The following DIXDC1 variants were observed in gnomAD, a reference collection of about 807,000 sequenced individuals.
DIXDC1 encodes DIX domain containing 1.
In DIXDC1, 64 loss-of-function variants were observed where a neutral mutation model predicts 103.1. The ratio of observed to expected loss-of-function variants is 0.62; its 90% CI spans 0.51 to 0.76. The LOEUF (loss-of-function observed/expected upper bound fraction) is 0.76, where lower values mean the gene tolerates loss of function less well. DIXDC1 is among the 30% of genes least tolerant of loss of function. DIXDC1 has a pLI of 0.00. For synonymous variants in DIXDC1, 266 were observed against 298.5 expected (o/e 0.89, Z 1.12); for missense variants, 759 against 834.2 (o/e 0.91, Z 1.11).
chr11:112,009,517 T>C (rs1861346459), intron 17 of DIXDC1, among the ~76,000 whole-genome samples: 1 of 152,128 alleles, frequency 6.6e-6, no homozygotes, highest in African/African-American at 2.4e-5. Context: ...AAAAGAGAAT[T>C]TTAGACCAAT....
intron 6 of DIXDC1, 104 bp from the exon 7 acceptor site, chr11:111,982,235 C>G (rs782383049): frequency 2.3e-6 from 3 of 1,303,808 alleles, no homozygotes; most frequent in Middle Eastern, 3.8e-4. Flanking sequence ...AGAACAGGTT[C>G]AGAACGCAGG....
At chr11:111,991,498 T>C (rs1860712108) in intron 10 of DIXDC1, among the ~76,000 whole-genome samples, 1 of 152,218 alleles carries the variant, frequency 6.6e-6, no homozygotes, top group South Asian at 2.1e-4. Context: ...CCCACATTCT[T>C]CAGAGTCTGT....
intron 1 of DIXDC1, among the ~76,000 whole-genome samples, chr11:111,944,411 A>G (rs1555169184): frequency 1.3e-5 from 2 of 152,202 alleles, no homozygotes; most frequent in African/African-American, 2.4e-5. Context: ...ACTCTAGCAA[A>G]TAAGTCCCCT....
rs950404915 is a variant in DIXDC1 at position 111,976,835 on chromosome 11, G to A, written c.656+1852G>A. 1 of 152,434 alleles carries A rather than the reference G, an allele frequency of 6.6e-6. No individual in the cohort carries two copies. Among genetic ancestry groups the A allele is most frequent in the African/African-American group, 2.4e-5 (1 of 41,442 alleles). The allele number at this position is 152,434 out of a possible 1,614,324, so 9.4% of individuals were successfully genotyped here. On this transcript the variant is annotated intron_variant, in intron 5 of 19. Transcript: ENST00000440460. This position sits in a 1 kb window ranked among gnomAD's most constrained non-coding sequence, Gnocchi z 4.3. ...TAGCCAAGCAAAATGATCCTTAGTT[G>A]GTTAAAAAGAACACACGAAACGCCA...
chr11:112,016,870 A>G (rs1484738996), intron 18 of DIXDC1, 74 bp downstream of exon 18: 14 of 1,272,420 alleles, frequency 1.1e-5, no homozygotes, highest in South Asian at 2.6e-5. Context: ...TACTGCCCAC[A>G]TGAGCAGCTG....
Position 112,019,095 on chromosome 11 carries a change from G to A in DIXDC1, c.*59G>A. 6.8e-7 allele frequency: 1 copy of A among 1,474,116 alleles called. No individual in the cohort carries two copies. 91.3% of individuals were successfully genotyped at this position (1,474,116 alleles called of 1,614,324 possible). ...GGTCACTCCCTGGCTGCTTCACTCA[G>A]GAAAGGGAACTAAAACCAGAATACA... On this transcript the variant is annotated 3_prime_UTR_variant, in exon 20 of 20. Coordinates refer to ENST00000440460, the MANE Select transcript of DIXDC1 (RefSeq NM_001037954.4).
At chr11:112,012,003 C>A (rs1160748470) in intron 17 of DIXDC1, among the ~76,000 whole-genome samples, 2 of 152,108 alleles carry the variant, frequency 1.3e-5, no homozygotes, top group Non-Finnish European at 2.9e-5. Flanking sequence ...TAGGTATAAA[C>A]TTCATAAAAT....
chr11:111,982,491 G>A lies in DIXDC1; in HGVS notation c.918+4G>A. The A allele has an allele frequency of 2.5e-6, 4 of 1,612,514 alleles. No individual in the cohort carries two copies. The highest frequency in any genetic ancestry group is 3.4e-6 in the Non-Finnish European group (4 of 1,179,298). On this transcript the variant is annotated splice_donor_region_variant and intron_variant, in intron 7 of 19. Transcript: ENST00000440460. The stretch of plus-strand genomic sequence containing the variant: ...GAAAATGATATCAGGACTACAGGTA[G>A]CTCTCTCCCTTGTAGTTTGCCCTTG...
In DIXDC1 at chr11:111,977,723, C is replaced by G. The variant is rs922664210; in HGVS notation, c.656+2740C>G. 4 of 1,552,536 alleles carry G rather than the reference C, an allele frequency of 2.6e-6. No homozygotes were observed. Among genetic ancestry groups the G allele is most frequent in the Admixed American group, 2.0e-5 (1 of 51,248 alleles). ...GAGCGATGTGACTCTCAGCCTCCCA[C>G]TTCACCCGGGGACGCAGGCTTGCTG... is the stretch of plus-strand genomic sequence containing the variant. On this transcript the variant is annotated intron_variant, in intron 5 of 19. Coordinates refer to ENST00000440460, the MANE Select transcript of DIXDC1 (RefSeq NM_001037954.4). The surrounding 1 kb of genome is among the most constrained non-coding windows in gnomAD (Gnocchi z 6.1).
At chr11:111,982,817 A>G (rs1168723392) in intron 7 of DIXDC1, among the ~76,000 whole-genome samples, 2 of 152,184 alleles carry the variant, frequency 1.3e-5, no homozygotes, top group African/African-American at 4.8e-5. Flanking sequence ...TGCAGCTTTC[A>G]CCAAAGAATG....
intron 3 of DIXDC1, among the ~76,000 whole-genome samples, chr11:111,973,422 A>G (rs961178521): frequency 5.9e-5 from 9 of 152,216 alleles, no homozygotes; most frequent in Admixed American, 1.3e-4. Flanking sequence ...ATTTAACTCA[A>G]TATATCCAAA....
At chr11:111,932,786 C>T (rs1555167801), upstream of DIXDC1, among the ~76,000 whole-genome samples, 4 of 152,254 alleles carry the variant, frequency 2.6e-5, no homozygotes, top group South Asian at 2.1e-4. Flanking sequence ...TACTAGTCAT[C>T]GGATTCTCAG....
chr11:111,993,846 CTCT>C (rs1555174973), intron 14 of DIXDC1, 106 bp downstream of exon 14: 1 of 1,280,822 alleles, frequency 7.8e-7, no homozygotes, highest in East Asian at 2.5e-5. Context: ...TGTTAGGAGG[CTCT>C]ATGATGAGCT....
intron 2 of DIXDC1, among the ~76,000 whole-genome samples, chr11:111,966,284 A>C (rs113096095): frequency 0.037 from 4,759 of 130,110 alleles, 284 homozygotes; most frequent in African/African-American, 0.13. Context: ...GTGCAATGGC[A>C]TAATCTCGGC....
chr11:111,941,827 C>T (rs782712369), intron 1 of DIXDC1, among the ~76,000 whole-genome samples: 41 of 135,468 alleles, frequency 3.0e-4, no homozygotes, highest in African/African-American at 6.0e-4. Flanking sequence ...CAAAACAAAA[C>T]GAAACAAAAT....
At position 112,017,692 on chromosome 11, in the gene DIXDC1, G is replaced by T; in HGVS notation, c.1863-85G>T. 8.8e-7 allele frequency: 1 copy of T among 1,132,004 alleles called. No homozygotes were observed. Among genetic ancestry groups the T allele is most frequent in the African/African-American group, 1.5e-5 (1 of 64,872 alleles). 70.1% of individuals were successfully genotyped at this position (1,132,004 alleles called of 1,614,324 possible). A position where few individuals can be genotyped will look rare whatever the true frequency, so the allele number is the denominator to read the frequency against. ...GGGCTATTTCTGCTTATTGACTTTGGCAGGGGGCTGTGTTTAAAGTTAACA... is the reference window on the plus strand; with the variant it reads ...GGGCTATTTCTGCTTATTGACTTTGTCAGGGGGCTGTGTTTAAAGTTAACA... On this transcript the variant is annotated intron_variant, in intron 18 of 19. Coordinates refer to ENST00000440460, the MANE Select transcript of DIXDC1 (RefSeq NM_001037954.4). The surrounding 1 kb of genome is among the most constrained non-coding windows in gnomAD (Gnocchi z 4.0).
rs1221666046 is a variant in DIXDC1 at position 111,966,397 on chromosome 11, A to ATTTTT, written c.190+1739_190+1743dup. Reference sequence around the variant, plus strand: ...ACCACCACGCCAAGCTAATTTTTGTATTTTTTTTTTTTTTTTTTTTTTTTG... The same window carrying ATTTTT: ...ACCACCACGCCAAGCTAATTTTTGTATTTTTTTTTTTTTTTTTTTTTTTTTTTTTG... On this transcript the variant is annotated intron_variant, in intron 2 of 19. Transcript: ENST00000440460. Among the ~76,000 whole-genome samples the ATTTTT allele has an allele frequency of 2.5e-3, 147 of 58,650 alleles. 20 individuals are homozygous for ATTTTT. Among genetic ancestry groups the ATTTTT allele is most frequent in the African/African-American group, 8.7e-3 (136 of 15,652 alleles). The allele number at this position is 58,650 out of a possible 152,430, so 38.5% of individuals were successfully genotyped here.
At chr11:111,950,444 T>A (rs1194533784) in intron 1 of DIXDC1, among the ~76,000 whole-genome samples, 274 of 20,714 alleles carry the variant, frequency 0.013, no homozygotes, top group African/African-American at 0.037. Flanking sequence ...ATATATTTTT[T>A]TTTTTTTTTT....
At chr11:111,929,632 G>C (rs1555167453) in intron 1 of DIXDC1, among the ~76,000 whole-genome samples, 1 of 150,054 alleles carries the variant, frequency 6.7e-6, no homozygotes. Context: ...CACTGGGATA[G>C]CCCTGTTGTG....
Sources: allele counts gnomAD v4.1 joint callset (sites outside exome capture counted in the v4.1 genomes callset), GRCh38; gene constraint gnomAD v4.1.1; non-coding constraint Gnocchi (gnomAD v3.1); transcripts MANE v1.5; gene names NCBI Gene and HGNC (gene_info 2026-07-23, HGNC 2026-07-21).